FGF7: variants seen among roughly 807,000 people sequenced by gnomAD.
The protein encoded by FGF7 is FGF-7.
A neutral mutation model predicts 20.5 loss-of-function variants in FGF7; 6 were observed. The ratio of observed to expected loss-of-function variants is 0.29; its 90% CI spans 0.16 to 0.58. The LOEUF (loss-of-function observed/expected upper bound fraction) is 0.58, where lower values mean the gene tolerates loss of function less well. Ranked by LOEUF, FGF7 falls within the 20% of genes least tolerant of loss-of-function variation. FGF7 has a pLI of 0.90. For synonymous variants in FGF7, 64 were observed against 74.7 expected, an observed-to-expected ratio of 0.86 and a Z score of 0.74; for missense variants, 144 against 228.8, an observed-to-expected ratio of 0.63 and a Z score of 2.39.
intron 2 of FGF7, chr15:49,434,419 G>C (rs191671822): frequency 7.5e-4 from 114 of 151,546 alleles, no homozygotes; most frequent in African/African-American, 2.7e-3. Flanking sequence ...CTCCAAGTCA[G>C]AGTGAGTAAG....
chr15:49,479,839 C>T (rs1353643213), intron 2 of FGF7, among the ~76,000 whole-genome samples: 1 of 152,220 alleles, frequency 6.6e-6, no homozygotes, highest in East Asian at 1.9e-4. Flanking sequence ...GTCTTGAACT[C>T]CTGACCTCAG....
At position 49,424,081 on chromosome 15, in the gene FGF7, T is replaced by G; in HGVS notation, c.-217T>G. 2.3e-6 allele frequency: 1 copy of G among 428,718 alleles called. No individual in the cohort carries two copies. The highest frequency in any genetic ancestry group is 4.1e-6 in the Non-Finnish European group (1 of 242,334). The allele number at this position is 428,718 out of a possible 1,614,324, so 26.6% of individuals were successfully genotyped here. ...AGCAACTGAACTTACTACGAACTGTTTTTATGAGGATTTATCAACAGAGTT... is the reference window on the plus strand; with the variant it reads ...AGCAACTGAACTTACTACGAACTGTGTTTATGAGGATTTATCAACAGAGTT... On this transcript the variant is annotated 5_prime_UTR_variant, in exon 2 of 4. Transcript: ENST00000267843.
chr15:49,484,141 T>C (rs899898173), intron 3 of FGF7, among the ~76,000 whole-genome samples, 169 bp from the exon 4 acceptor site: 7 of 152,066 alleles, frequency 4.6e-5, no homozygotes, highest in Admixed American at 1.3e-4. Flanking sequence ...TTTATGCAAA[T>C]ATACTACATA....
intron 2 of FGF7, among the ~76,000 whole-genome samples, chr15:49,452,532 T>C (rs1294279249): frequency 6.6e-6 from 1 of 152,208 alleles, no homozygotes; most frequent in African/African-American, 2.4e-5. Context: ...TAAAAAGATC[T>C]ATGCAGATTT....
chr15:49,484,595 T>C lies in FGF7; in HGVS notation c.*91T>C. 1.8e-6 allele frequency: 1 copy of C among 570,398 alleles called. No homozygotes were observed. The highest frequency in any genetic ancestry group is 2.9e-6 in the Non-Finnish European group (1 of 345,740). The allele number at this position is 570,398 out of a possible 1,614,324, so 35.3% of individuals were successfully genotyped here. ...TTCTCAAAATTTTCTTTCCTTTTAT[T>C]TTTTAGTAATCAAGAAAGGCTGGAA... is the stretch of plus-strand genomic sequence containing the variant. On this transcript the variant is annotated 3_prime_UTR_variant, in exon 4 of 4. Coordinates refer to ENST00000267843, the MANE Select transcript of FGF7 (RefSeq NM_002009.4).
intron 2 of FGF7, among the ~76,000 whole-genome samples, chr15:49,481,721 G>T (rs571558789): frequency 6.6e-6 from 1 of 152,264 alleles, no homozygotes; most frequent in Non-Finnish European, 1.5e-5. Flanking sequence ...AGGGTTGTAT[G>T]CATTGTGATA....
chr15:49,433,703 A>G (rs2050826786), intron 2 of FGF7, among the ~76,000 whole-genome samples: 1 of 151,612 alleles, frequency 6.6e-6, no homozygotes, highest in African/African-American at 2.4e-5. Context: ...CACAGTTACC[A>G]CTGGTGACAC....
At chr15:49,442,351 C>A (rs1597217730) in intron 2 of FGF7, among the ~76,000 whole-genome samples, 1 of 151,680 alleles carries the variant, frequency 6.6e-6, no homozygotes, top group Admixed American at 6.6e-5. Flanking sequence ...CTCCACGAAG[C>A]TCCCCTTGGC....
At chr15:49,457,201 A>G (rs562294132) in intron 2 of FGF7, among the ~76,000 whole-genome samples, 5 of 152,146 alleles carry the variant, frequency 3.3e-5, no homozygotes, top group Admixed American at 3.3e-4. Flanking sequence ...AGTTTATTGG[A>G]TTCATTGGAA....
At chr15:49,438,884 G>A (rs1310595930) in intron 2 of FGF7, among the ~76,000 whole-genome samples, 4 of 151,182 alleles carry the variant, frequency 2.6e-5, no homozygotes, top group Non-Finnish European at 5.9e-5. Context: ...AAGAGAGAGG[G>A]AGAAAAAAGA....
chr15:49,425,869 CTTA>C (rs2050084060), intron 2 of FGF7, among the ~76,000 whole-genome samples: 1 of 151,478 alleles, frequency 6.6e-6, no homozygotes, highest in Non-Finnish European at 1.5e-5. Flanking sequence ...GAAGATCATT[CTTA>C]TTATACTAAA....
chr15:49,440,814 C>T (rs1033258118), intron 2 of FGF7, among the ~76,000 whole-genome samples: 9 of 151,608 alleles, frequency 5.9e-5, no homozygotes, highest in Admixed American at 3.3e-4. Context: ...CTCTTTCCAC[C>T]CATTGAGTTG....
chr15:49,434,659 G>C (rs970864980), intron 2 of FGF7: 1 of 151,384 alleles, frequency 6.6e-6, no homozygotes, highest in Non-Finnish European at 1.5e-5. Context: ...CCAAGGTAAA[G>C]GTTTTTTTTC....
chr15:49,485,314 A>G lies in FGF7; in HGVS notation c.*810A>G, dbSNP rs1375309289. ...AGAAATCTTTAAGTTTTTTTCAAGTAACATAATCTATCTTTGTATAATTCA... is the reference window on the plus strand; with the variant it reads ...AGAAATCTTTAAGTTTTTTTCAAGTGACATAATCTATCTTTGTATAATTCA... On this transcript the variant is annotated 3_prime_UTR_variant, in exon 4 of 4. Coordinates refer to ENST00000267843, the MANE Select transcript of FGF7 (RefSeq NM_002009.4). The G allele has an allele frequency of 1.3e-5, 2 of 152,408 alleles. No individual in the cohort carries two copies. Among genetic ancestry groups the G allele is most frequent in the Non-Finnish European group, 2.9e-5 (2 of 67,950 alleles). 9.4% of individuals were successfully genotyped at this position (152,408 alleles called of 1,614,324 possible).
chr15:49,450,966 A>C (rs2052668383), intron 2 of FGF7, among the ~76,000 whole-genome samples: 1 of 152,252 alleles, frequency 6.6e-6, no homozygotes, highest in African/African-American at 2.4e-5. Flanking sequence ...TCCTTCCCCC[A>C]AAAATATATT....
At chr15:49,446,602 TA>T (rs921233618) in intron 2 of FGF7, among the ~76,000 whole-genome samples, 6 of 151,316 alleles carry the variant, frequency 4.0e-5, no homozygotes, top group Admixed American at 4.0e-4. Flanking sequence ...AGAGCTTTTT[TA>T]AAGAAGAGAA....
intron 2 of FGF7, among the ~76,000 whole-genome samples, chr15:49,428,933 G>A (rs187537614): frequency 9.9e-5 from 15 of 152,096 alleles, no homozygotes; most frequent in African/African-American, 3.6e-4. Flanking sequence ...TAAACACAGC[G>A]TTGCTGAATT....
At chr15:49,467,786 G>A (rs1203842840) in intron 2 of FGF7, among the ~76,000 whole-genome samples, 3 of 152,092 alleles carry the variant, frequency 2.0e-5, no homozygotes, top group African/African-American at 7.2e-5. Flanking sequence ...GTCTGATTCA[G>A]GGAATATATC....
chr15:49,475,856 C>T (rs527316511), intron 2 of FGF7, among the ~76,000 whole-genome samples: 66 of 152,056 alleles, frequency 4.3e-4, no homozygotes, highest in Admixed American at 1.7e-3. Context: ...GTCGTGGTGG[C>T]GCATGCCTGT....
Sources: allele counts gnomAD v4.1 joint callset (sites outside exome capture counted in the v4.1 genomes callset), GRCh38; gene constraint gnomAD v4.1.1; transcripts MANE v1.5; gene names NCBI Gene and HGNC (gene_info 2026-07-23, HGNC 2026-07-21).